RPA1: variants seen among roughly 807,000 people sequenced by gnomAD.
The protein encoded by RPA1 is replication protein A1.
Under a neutral mutation model 83.0 loss-of-function variants are expected in RPA1, and 49 were observed. That is an observed-to-expected ratio of 0.59 (90% CI 0.47 to 0.75). The LOEUF is 0.75. RPA1 is among the 30% of genes least tolerant of loss of function. The probability of loss-of-function intolerance (pLI) is 0.00; values close to 1 mark genes in which losing one functional copy is unlikely to be tolerated. For synonymous variants in RPA1, 279 were observed against 281.8 expected (o/e 0.99, Z 0.10); for missense variants, 693 against 776.1 (o/e 0.89, Z 1.27).
chr17:1,886,072 C>T (rs771803008), intron 13 of RPA1, among the ~76,000 whole-genome samples: 2 of 151,988 alleles, frequency 1.3e-5, no homozygotes, highest in Non-Finnish European at 2.9e-5. Flanking sequence ...TCTCCTTGTA[C>T]TGTGTGTCTC....
At chr17:1,865,365 C>T (rs1484788183) in intron 5 of RPA1, among the ~76,000 whole-genome samples, 1 of 152,180 alleles carries the variant, frequency 6.6e-6, no homozygotes, top group Non-Finnish European at 1.5e-5. Flanking sequence ...GTGAGTGAGT[C>T]TACTGCGGGA....
chr17:1,832,249 C>G (rs1255038948), intron 1 of RPA1, among the ~76,000 whole-genome samples: 2 of 151,748 alleles, frequency 1.3e-5, no homozygotes, highest in African/African-American at 2.4e-5. Context: ...TTTTTTCCCT[C>G]TGCCCACTGC....
At chr17:1,872,925 C>G (rs899125165) in intron 6 of RPA1, among the ~76,000 whole-genome samples, 4 of 152,130 alleles carry the variant, frequency 2.6e-5, no homozygotes, top group Admixed American at 6.5e-5. Context: ...GTCCTCCGTC[C>G]TTGGCCTCCC....
At chr17:1,889,789 C>T (rs1313903271) in intron 14 of RPA1, among the ~76,000 whole-genome samples, 3 of 151,570 alleles carry the variant, frequency 2.0e-5, no homozygotes, top group South Asian at 2.1e-4. Context: ...CACCTGAGAT[C>T]AGGAGTTTGA....
At chr17:1,834,791 T>G (rs1597414111) in intron 1 of RPA1, among the ~76,000 whole-genome samples, 2 of 152,270 alleles carry the variant, frequency 1.3e-5, no homozygotes, top group African/African-American at 4.8e-5. Flanking sequence ...ACAGAGAGGT[T>G]GAATAATGTG....
At chr17:1,894,948 A>T in intron 15 of RPA1, 61 bp from the exon 16 acceptor site, 2 of 1,344,294 alleles carry the variant, frequency 1.5e-6, no homozygotes, top group Non-Finnish European at 2.1e-6. Context: ...TAAAAGTCTT[A>T]TCAGTATTTG....
At position 1,888,815 on chromosome 17, in the gene RPA1, C is replaced by T. The variant is rs55731333; in HGVS notation, c.1515C>T (p.Thr505=). The T allele has an allele frequency of 7.0e-4, 1,124 of 1,613,922 alleles. 3 individuals are homozygous for T. The African/African-American group carries it at 0.012, about 18-fold the overall frequency. ...NGLYRCEKCD[T]EFPNFKYRMI... is the part of the protein sequence containing the mutation. ...TGTACCGCTGTGAGAAGTGCGACACCGAATTTCCCAATTTCAAGTACCGCA... is the reference window on the plus strand; with the variant it reads ...TGTACCGCTGTGAGAAGTGCGACACTGAATTTCCCAATTTCAAGTACCGCA... The change falls in exon 14 of 17, where the codon ACC becomes ACT. Residue 505 remains threonine, a synonymous_variant. Coordinates refer to ENST00000254719, the MANE Select transcript of RPA1 (RefSeq NM_002945.5).
At chr17:1,877,702 A>C (rs903866187) in intron 8 of RPA1, among the ~76,000 whole-genome samples, 4 of 152,144 alleles carry the variant, frequency 2.6e-5, no homozygotes, top group Non-Finnish European at 5.9e-5. Context: ...GGTGTACTGG[A>C]AGCACTGGGA....
intron 1 of RPA1, among the ~76,000 whole-genome samples, chr17:1,839,877 C>G (rs1308343180): frequency 7.0e-6 from 1 of 143,216 alleles, no homozygotes; most frequent in African/African-American, 2.6e-5. Context: ...ACTGCAGCCT[C>G]TGCTTCCCAG....
rs1597408270 is a variant in RPA1 at position 1,830,051 on chromosome 17, G to A, written c.-43G>A. 1.6e-6 allele frequency: 2 copies of A among 1,248,436 alleles called. No homozygotes were observed. Among genetic ancestry groups the A allele is most frequent in the Non-Finnish European group, 2.0e-6 (2 of 987,550 alleles). The allele number at this position is 1,248,436 out of a possible 1,614,324, so 77.3% of individuals were successfully genotyped here. A position where few individuals can be genotyped will look rare whatever the true frequency, so the allele number is the denominator to read the frequency against. Reference sequence around the variant, plus strand: ...CGCGCGGGACCCGGGTGGGGAAGCTGGAGCTGTTGCGGGGTCCGCGGGGAA... The same window carrying A: ...CGCGCGGGACCCGGGTGGGGAAGCTAGAGCTGTTGCGGGGTCCGCGGGGAA... On this transcript the variant is annotated 5_prime_UTR_variant, in exon 1 of 17. Transcript: ENST00000254719.
intron 13 of RPA1, among the ~76,000 whole-genome samples, chr17:1,886,778 C>T (rs1382588819): frequency 6.7e-6 from 1 of 148,324 alleles, no homozygotes; most frequent in African/African-American, 2.5e-5. Flanking sequence ...GCAATCACAG[C>T]TCACCTCAGC....
intron 4 of RPA1, among the ~76,000 whole-genome samples, chr17:1,848,467 C>T (rs1912349586): frequency 6.6e-6 from 1 of 151,660 alleles, no homozygotes; most frequent in African/African-American, 2.4e-5. Context: ...AAAAATCAGC[C>T]GGGCATGGTG....
At chr17:1,833,830 A>G (rs1186158446) in intron 1 of RPA1, among the ~76,000 whole-genome samples, 1 of 151,604 alleles carries the variant, frequency 6.6e-6, no homozygotes, top group African/African-American at 2.4e-5. Flanking sequence ...CTCCAGCAAC[A>G]AGAGCAAAAC....
intron 5 of RPA1, among the ~76,000 whole-genome samples, chr17:1,867,392 G>C (rs187049271): frequency 6.6e-6 from 1 of 152,090 alleles, no homozygotes; most frequent in East Asian, 1.9e-4. Flanking sequence ...GACATTTTCT[G>C]TTTTGGGGGC....
At chr17:1,840,373 G>A (rs975895768) in intron 1 of RPA1, among the ~76,000 whole-genome samples, 7 of 151,890 alleles carry the variant, frequency 4.6e-5, no homozygotes, top group Admixed American at 2.6e-4. Flanking sequence ...TGCAACCTCC[G>A]CCTCCCAGGT....
intron 6 of RPA1, 54 bp downstream of exon 6, chr17:1,872,580 TG>T: frequency 6.3e-7 from 1 of 1,592,000 alleles, no homozygotes; most frequent in Middle Eastern, 2.1e-4. Flanking sequence ...TTCGGAATCA[TG>T]TTTTGAAGTT....
chr17:1,840,731 A>G (rs1912015358), intron 1 of RPA1, among the ~76,000 whole-genome samples: 1 of 152,178 alleles, frequency 6.6e-6, no homozygotes, highest in Non-Finnish European at 1.5e-5. Context: ...TTCGGTGTGC[A>G]GTTCTTACAT....
rs1020183977 is a variant in RPA1, at chr17:1,899,158, C to G, written c.*1983C>G. ...GGCAGTGCCAGGGGGAGGGCTCCCT[C>G]GAGGAGGCTGTTTCTAACAGATTTC... On this transcript the variant is annotated 3_prime_UTR_variant, in exon 17 of 17. Coordinates refer to ENST00000254719, the MANE Select transcript of RPA1 (RefSeq NM_002945.5). 6.5e-6 allele frequency: 1 copy of G among 152,862 alleles called. No homozygotes were observed. Among genetic ancestry groups the G allele is most frequent in the Non-Finnish European group, 1.5e-5 (1 of 68,126 alleles). The allele number at this position is 152,862 out of a possible 1,614,324, so 9.5% of individuals were successfully genotyped here.
chr17:1,862,014 T>C (rs7502570), intron 5 of RPA1, among the ~76,000 whole-genome samples: 56,117 of 151,574 alleles, frequency 0.37, 12,746 homozygotes, highest in Non-Finnish European at 0.53. Context: ...ATTCTCCTGC[T>C]TGAGTAGCTG....
Sources: allele counts gnomAD v4.1 joint callset (sites outside exome capture counted in the v4.1 genomes callset), GRCh38; gene constraint gnomAD v4.1.1; transcripts MANE v1.5; gene names NCBI Gene and HGNC (gene_info 2026-07-23, HGNC 2026-07-21).